GPC6: variants seen among roughly 807,000 people sequenced by gnomAD.
GPC6 encodes glypican-6.
GPC6 carries 14 observed loss-of-function variants against 55.2 expected under a neutral mutation model. The observed-to-expected ratio is 0.25, with a 90% CI of 0.17 to 0.40. The LOEUF is 0.40. Among genes scored for constraint, GPC6 ranks in the 10% least tolerant of loss-of-function variants. GPC6 has a pLI of 1.00. For synonymous variants in GPC6, 278 were observed against 259.6 expected (o/e 1.07, Z -0.68); for missense variants, 641 against 708.5 (o/e 0.90, Z 1.08).
chr13:93,763,029 C>A (rs1379653241), intron 2 of GPC6, among the ~76,000 whole-genome samples: 2 of 152,178 alleles, frequency 1.3e-5, no homozygotes, highest in Non-Finnish European at 2.9e-5. Context: ...CTTTTCATTT[C>A]TCAATAACTT....
intron 1 of GPC6, among the ~76,000 whole-genome samples, chr13:93,307,157 GAA>G (rs1331515306): frequency 2.6e-5 from 4 of 152,036 alleles, no homozygotes; most frequent in African/African-American, 9.7e-5. Context: ...CTGAATTGGA[GAA>G]AAAGAAAGAT....
At chr13:94,372,715 G>A (rs1879625409) in intron 6 of GPC6, among the ~76,000 whole-genome samples, 1 of 152,220 alleles carries the variant, frequency 6.6e-6, no homozygotes, top group Non-Finnish European at 1.5e-5. Flanking sequence ...GCCCACCACA[G>A]CTCAAGGAGG....
At chr13:94,340,665 T>A (rs1294753851) in intron 6 of GPC6, among the ~76,000 whole-genome samples, 1 of 152,202 alleles carries the variant, frequency 6.6e-6, no homozygotes, top group Admixed American at 6.5e-5. Context: ...CTTTAAATAG[T>A]GTCATGGTAC....
chr13:93,725,840 T>C (rs1233772289), intron 2 of GPC6, among the ~76,000 whole-genome samples: 1 of 152,074 alleles, frequency 6.6e-6, no homozygotes, highest in Non-Finnish European at 1.5e-5. Flanking sequence ...TATTAAATAA[T>C]TTGGTGAATG....
intron 4 of GPC6, among the ~76,000 whole-genome samples, chr13:94,254,523 T>C (rs984447276): frequency 6.6e-6 from 1 of 152,084 alleles, no homozygotes; most frequent in Non-Finnish European, 1.5e-5. Flanking sequence ...ACAAACATAC[T>C]TAATATAATG....
chr13:93,989,958 A>G (rs964336700), intron 3 of GPC6, among the ~76,000 whole-genome samples: 2 of 149,592 alleles, frequency 1.3e-5, no homozygotes, highest in Non-Finnish European at 3.0e-5. Context: ...TTTTCTTTGT[A>G]TAAAATATGT....
intron 2 of GPC6, among the ~76,000 whole-genome samples, chr13:93,781,006 G>C (rs987739357): frequency 2.0e-5 from 3 of 152,044 alleles, no homozygotes; most frequent in African/African-American, 7.2e-5. Flanking sequence ...GGCCGGGTGC[G>C]GTGGCTCATG....
intron 4 of GPC6, among the ~76,000 whole-genome samples, chr13:94,190,897 G>T (rs1889369899): frequency 6.6e-6 from 1 of 152,034 alleles, no homozygotes; most frequent in Non-Finnish European, 1.5e-5. Flanking sequence ...ATACATATTA[G>T]TATATAAGTG....
At chr13:93,432,944 GA>G (rs34737882) in intron 1 of GPC6, among the ~76,000 whole-genome samples, 2,117 of 58,208 alleles carry the variant, frequency 0.036, 95 homozygotes, top group East Asian at 0.22. Flanking sequence ...GGAGAAGGCA[GA>G]AAAAAAGGAA....
intron 2 of GPC6, among the ~76,000 whole-genome samples, chr13:93,691,473 G>T (rs1279464631): frequency 1.2e-5 from 1 of 85,714 alleles, no homozygotes. Flanking sequence ...TTAAAGGCTT[G>T]CCATGGTTTT....
intron 4 of GPC6, among the ~76,000 whole-genome samples, chr13:94,163,343 C>T (rs1015660649): frequency 9.2e-5 from 14 of 151,868 alleles, no homozygotes; most frequent in African/African-American, 3.4e-4. Flanking sequence ...TCCACCTCCA[C>T]CTCCCTTGAC....
chr13:93,744,168 G>A (rs1005701596), intron 2 of GPC6, among the ~76,000 whole-genome samples: 17 of 151,942 alleles, frequency 1.1e-4, no homozygotes, highest in African/African-American at 4.1e-4. Flanking sequence ...TCCTCTCCCG[G>A]CGGTTAACAT....
upstream of GPC6, among the ~76,000 whole-genome samples, chr13:93,226,285 G>T (rs1481938106): frequency 1.3e-5 from 2 of 152,184 alleles, no homozygotes; most frequent in East Asian, 3.9e-4. Context: ...AGAAACCTAA[G>T]CATAATGATT....
intron 1 of GPC6, among the ~76,000 whole-genome samples, chr13:93,354,048 C>G (rs754381473): frequency 3.3e-5 from 5 of 152,088 alleles, no homozygotes; most frequent in Non-Finnish European, 7.4e-5. Context: ...ATCTATTTTT[C>G]TAAAAATCCG....
At chr13:94,052,081 G>T (rs1256932823) in intron 4 of GPC6, among the ~76,000 whole-genome samples, 1 of 152,106 alleles carries the variant, frequency 6.6e-6, no homozygotes, top group Non-Finnish European at 1.5e-5. Flanking sequence ...GGAGAAAGAC[G>T]CATAAACAGT....
intron 2 of GPC6, among the ~76,000 whole-genome samples, chr13:93,711,942 G>A (rs1261994924): frequency 2.0e-5 from 3 of 151,682 alleles, no homozygotes; most frequent in East Asian, 2.0e-4. Flanking sequence ...GATCAAGCCC[G>A]AGTTGCCCGC....
intron 1 of GPC6, among the ~76,000 whole-genome samples, chr13:93,411,673 A>C (rs1490491931): frequency 6.6e-6 from 1 of 152,160 alleles, no homozygotes; most frequent in African/African-American, 2.4e-5. Context: ...AAGAAAATTC[A>C]TTGACAAAGG....
intron 6 of GPC6, among the ~76,000 whole-genome samples, chr13:94,320,031 C>T (rs1594165152): frequency 6.6e-6 from 1 of 152,168 alleles, no homozygotes; most frequent in African/African-American, 2.4e-5. Context: ...TCACTCCATC[C>T]TCCACATCTC....
intron 3 of GPC6, among the ~76,000 whole-genome samples, chr13:94,025,311 G>C (rs1882852325): frequency 6.6e-6 from 1 of 152,048 alleles, no homozygotes; most frequent in Non-Finnish European, 1.5e-5. Context: ...ACCATGCCCA[G>C]TAAGTTTGCA....
Sources: allele counts gnomAD v4.1 joint callset (sites outside exome capture counted in the v4.1 genomes callset), GRCh38; gene constraint gnomAD v4.1.1; transcripts MANE v1.5; gene names NCBI Gene and HGNC (gene_info 2026-07-23, HGNC 2026-07-21).